The following NEO1 variants were observed in gnomAD, a reference collection of about 807,000 sequenced individuals.
NEO1 encodes neogenin.
In NEO1, 63 loss-of-function variants were observed where a neutral mutation model predicts 159.7. The ratio of observed to expected loss-of-function variants is 0.39; its 90% CI spans 0.32 to 0.49. NEO1 has a LOEUF of 0.49. NEO1 is among the 20% of genes least tolerant of loss of function. NEO1 has a pLI of 0.85. For synonymous variants in NEO1, 633 were observed against 662.0 expected, an observed-to-expected ratio of 0.96 and a Z score of 0.67; for missense variants, 1,615 against 1,831.0, an observed-to-expected ratio of 0.88 and a Z score of 2.15.
intron 7 of NEO1, among the ~76,000 whole-genome samples, chr15:73,220,615 A>G (rs935122690): frequency 1.3e-3 from 191 of 151,884 alleles, no homozygotes; most frequent in African/African-American, 4.3e-3. Context: ...TTCTTGGAGG[A>G]TTTGTTCGTT....
intron 1 of NEO1, among the ~76,000 whole-genome samples, chr15:73,060,294 C>G (rs2067915687): frequency 6.6e-6 from 1 of 152,112 alleles, no homozygotes; most frequent in African/African-American, 2.4e-5. Context: ...GACTGAGTCT[C>G]ACTCTGTTGC....
chr15:73,079,248 G>A (rs996622538), intron 1 of NEO1, among the ~76,000 whole-genome samples: 1 of 152,106 alleles, frequency 6.6e-6, no homozygotes, highest in African/African-American at 2.4e-5. Flanking sequence ...CATGTAATAG[G>A]CCCAAAATTG....
chr15:73,249,809 A>T (rs1054918620), intron 11 of NEO1, 88 bp downstream of exon 11: 139 of 1,416,544 alleles, frequency 9.8e-5, no homozygotes, highest in Non-Finnish European at 1.3e-4. Context: ...TGTCTAGAAG[A>T]TTCAGTTCAA....
rs140600502 is a variant in NEO1 at position 73,102,292 on chromosome 15, G to A, written c.131-14248G>A. 3.1e-3 allele frequency among the ~76,000 whole-genome samples: 468 copies of A among 152,140 alleles called. 4 individuals carry two copies. The highest frequency in any genetic ancestry group is 0.011 in the African/African-American group (444 of 41,494). On this transcript the variant is annotated intron_variant, in intron 1 of 28. Coordinates refer to ENST00000261908, the MANE Select transcript of NEO1 (RefSeq NM_002499.4). Reference sequence around the variant, plus strand: ...GAGGCAGAAGAATCGCTTGAACCCGGGAGGCAGAGGTTGCAGTGAGCCGAG... The same window carrying A: ...GAGGCAGAAGAATCGCTTGAACCCGAGAGGCAGAGGTTGCAGTGAGCCGAG...
At chr15:73,254,629 G>A in intron 12 of NEO1, 53 bp from the exon 13 acceptor site, 1 of 1,492,956 alleles carries the variant, frequency 6.7e-7, no homozygotes, top group Non-Finnish European at 8.9e-7. Flanking sequence ...ATTTAAAACA[G>A]GACCAAGCTT....
chr15:73,289,833 C>G (rs965404257), intron 25 of NEO1, among the ~76,000 whole-genome samples: 1 of 151,974 alleles, frequency 6.6e-6, no homozygotes, highest in South Asian at 2.1e-4. Flanking sequence ...GTCTATAATC[C>G]CAGCTACTCA....
chr15:73,158,208 CTT>C lies in NEO1; in HGVS notation c.1016-18171_1016-18170del, dbSNP rs1047852394. 3.2e-3 allele frequency among the ~76,000 whole-genome samples: 264 copies of C among 82,550 alleles called. 1 individual carries two copies. Among genetic ancestry groups the C allele is most frequent in the Middle Eastern group, 0.011 (1 of 90 alleles). 54.2% of individuals were successfully genotyped at this position (82,550 alleles called of 152,430 possible). A position where few individuals can be genotyped will look rare whatever the true frequency, so the allele number is the denominator to read the frequency against. ...CCAGCCTGGGAGAAAGAGTGAGACT[CTT>C]TTTTTTTTTTTTTTTTTTTTTTTAC... On this transcript the variant is annotated intron_variant, in intron 5 of 28. Coordinates refer to ENST00000261908, the MANE Select transcript of NEO1 (RefSeq NM_002499.4).
rs773350771 is a variant in NEO1 at position 73,052,778 on chromosome 15, A to T, written c.103A>T (p.Arg35Trp). The T allele has an allele frequency of 3.0e-4, 355 of 1,164,090 alleles. 2 individuals are homozygous for T. The African/African-American group carries it at 5.5e-3, about 18-fold the overall frequency. The allele number at this position is 1,164,090 out of a possible 1,614,324, so 72.1% of individuals were successfully genotyped here. A position where few individuals can be genotyped will look rare whatever the true frequency, so the allele number is the denominator to read the frequency against. The change falls in exon 1 of 29, where the codon AGG becomes TGG. Residue 35 changes from arginine (R) to tryptophan (W), a missense_variant. This residue lies in a region of NEO1 where 1,018 missense variants were observed against 1,115.4 expected (regional missense o/e 0.91). Transcript: ENST00000261908. Reference protein sequence around the residue: ...GRRAPGAAAARSGSAPQSPGA... With the variant: ...GRRAPGAAAAWSGSAPQSPGA... Reference sequence around the variant, plus strand: ...CCGGGCGCCGGGCGCCGCGGCCGCCAGGAGCGGCTCCGCGCCGCAGTCCCC... The same window carrying T: ...CCGGGCGCCGGGCGCCGCGGCCGCCTGGAGCGGCTCCGCGCCGCAGTCCCC...
chr15:73,263,926 C>A (rs1449927234), intron 15 of NEO1, among the ~76,000 whole-genome samples: 1 of 152,184 alleles, frequency 6.6e-6, no homozygotes, highest in African/African-American at 2.4e-5. Flanking sequence ...TGGCTCACAC[C>A]TCTAATCCCA....
intron 22 of NEO1, among the ~76,000 whole-genome samples, chr15:73,280,478 C>T (rs2041643762): frequency 6.6e-6 from 1 of 152,042 alleles, no homozygotes; most frequent in Non-Finnish European, 1.5e-5. Context: ...AGGAAAGAAC[C>T]ACCTCCACCT....
chr15:73,071,514 T>C (rs1039583281), intron 1 of NEO1, among the ~76,000 whole-genome samples: 1 of 152,028 alleles, frequency 6.6e-6, no homozygotes, highest in African/African-American at 2.4e-5. Context: ...TTCACTTAGA[T>C]GTTTTTTGTT....
At chr15:73,115,545 G>A (rs561756479) in intron 1 of NEO1, among the ~76,000 whole-genome samples, 1 of 152,174 alleles carries the variant, frequency 6.6e-6, no homozygotes, top group Admixed American at 6.5e-5. Context: ...AATTCATAAT[G>A]CAAATAAATT....
At chr15:73,194,293 C>T (rs1442947822) in intron 7 of NEO1, among the ~76,000 whole-genome samples, 1 of 152,076 alleles carries the variant, frequency 6.6e-6, no homozygotes, top group South Asian at 2.1e-4. Flanking sequence ...GAGAGAGAGG[C>T]TTTCTTTTTA....
At position 73,198,574 on chromosome 15, in the gene NEO1, A is replaced by G. The variant is rs1254496599; in HGVS notation, c.1291+20147A>G. Among the ~76,000 whole-genome samples the G allele has an allele frequency of 2.6e-5, 4 of 151,596 alleles. No homozygotes were observed. In the East Asian group the frequency reaches 7.7e-4, roughly 29 times the overall value. On this transcript the variant is annotated intron_variant, in intron 7 of 28. Coordinates refer to ENST00000261908, the MANE Select transcript of NEO1 (RefSeq NM_002499.4). ...TAAAGAATAAAACCGCCAGTTTCAT[A>G]TTGTCCAGATTGAGTGGTTTCTTTA...
intron 5 of NEO1, among the ~76,000 whole-genome samples, chr15:73,148,217 A>G (rs1186896724): frequency 6.6e-6 from 1 of 152,224 alleles, no homozygotes; most frequent in Non-Finnish European, 1.5e-5. Context: ...TAAGAGAACC[A>G]TGACAGGAAG....
chr15:73,191,225 C>G (rs1284374243), intron 7 of NEO1, among the ~76,000 whole-genome samples: 1 of 152,052 alleles, frequency 6.6e-6, no homozygotes, highest in Non-Finnish European at 1.5e-5. Flanking sequence ...AGTTTTGTTA[C>G]CTATAACTCT....
intron 5 of NEO1, among the ~76,000 whole-genome samples, chr15:73,153,206 C>T (rs1467385528): frequency 2.0e-5 from 3 of 152,142 alleles, no homozygotes; most frequent in Non-Finnish European, 4.4e-5. Context: ...CATTGAGTGC[C>T]ATCTGCTGTA....
chr15:73,140,861 T>A (rs2032317683), intron 5 of NEO1, among the ~76,000 whole-genome samples: 1 of 152,228 alleles, frequency 6.6e-6, no homozygotes, highest in Non-Finnish European at 1.5e-5. Flanking sequence ...TATATGTAAT[T>A]ACATTGTTAT....
In NEO1 at chr15:73,257,265, T is replaced by TAAA. The variant is rs10670933; in HGVS notation, c.2093-1488_2093-1486dup. 2.1e-3 allele frequency among the ~76,000 whole-genome samples: 298 copies of TAAA among 143,160 alleles called. 1 individual carries two copies. The highest frequency in any genetic ancestry group is 7.0e-3 in the African/African-American group (273 of 38,994). 93.9% of individuals were successfully genotyped at this position (143,160 alleles called of 152,430 possible). ...TACTAGGCATCATTCTTGTTGCTGT[T>TAAA]AAAAAAAAAAAAAAAGAGTATAGTC... On this transcript the variant is annotated intron_variant, in intron 13 of 28. Coordinates refer to ENST00000261908, the MANE Select transcript of NEO1 (RefSeq NM_002499.4).
Sources: gnomAD v4.1 joint callset for allele counts (sites outside exome capture counted in the v4.1 genomes callset) on GRCh38, gnomAD v4.1.1 for gene constraint, gnomAD v4.1.1 regional missense constraint, MANE v1.5 for transcripts, NCBI Gene and HGNC (gene_info 2026-07-23, HGNC 2026-07-21) for gene names.